Variants in SGSH observed in about 807,000 individuals in gnomAD.
The protein encoded by SGSH is heparan sulfate sulfatase.
A neutral mutation model predicts 51.0 loss-of-function variants in SGSH; 48 were observed. That is an observed-to-expected ratio of 0.94 (90% CI 0.75 to 1.20). The LOEUF (loss-of-function observed/expected upper bound fraction) is 1.20. Ranked by LOEUF, SGSH falls within the 50% of genes most tolerant of loss-of-function variation. The pLI is 0.00. For missense variants in SGSH, 662 were observed against 717.8 expected (o/e 0.92, Z 0.89); for synonymous variants, 321 against 313.4 (o/e 1.02, Z -0.26).
At chr17:80,201,692 C>G in the SGSH span, 1 of 1,609,304 alleles carries the variant, frequency 6.2e-7, no homozygotes, top group Non-Finnish European at 8.5e-7. This position sits in a 1 kb window ranked among gnomAD's most constrained non-coding sequence, Gnocchi z 5.0. Flanking sequence ...TGTCTTCTGG[C>G]TGGATTCAGA....
At chr17:80,219,295 C>T (rs538132182) in intron 1 of SGSH, among the ~76,000 whole-genome samples, 1 of 152,180 alleles carries the variant, frequency 6.6e-6, no homozygotes, top group South Asian at 2.1e-4. Flanking sequence ...TGGACCCTCA[C>T]TGGAACCCAA....
chr17:80,204,825 C>T (rs1490199300), downstream of SGSH: 6 of 519,884 alleles, frequency 1.2e-5, no homozygotes. Flanking sequence ...TGGAGAGCCA[C>T]AGAGCTGTGT....
At chr17:80,204,838 C>G (rs1350454752), downstream of SGSH, 8 of 550,436 alleles carry the variant, frequency 1.5e-5, no homozygotes, top group Non-Finnish European at 2.2e-5. Context: ...AGCTGTGTAA[C>G]CCCCGTGCAA....
intron 7 of SGSH, chr17:80,211,703 A>G: frequency 2.8e-6 from 1 of 361,224 alleles, no homozygotes; most frequent in Non-Finnish European, 5.3e-6. Context: ...CAGACATGCA[A>G]ATTCTTGAGC....
At chr17:80,217,287 C>T (rs893043767) in intron 1 of SGSH, 95 bp from the exon 2 acceptor site, 30 of 1,433,158 alleles carry the variant, frequency 2.1e-5, no homozygotes, top group Middle Eastern at 1.7e-4. Context: ...TGCCAGAAGG[C>T]GAGACACCCA....
At chr17:80,206,035 G>A (rs114951530), downstream of SGSH, 1,913 of 178,126 alleles carry the variant, frequency 0.011, 38 homozygotes, top group African/African-American at 0.042. Context: ...TGGCATCTGC[G>A]TGCCTCCTGT....
At position 80,213,782 on chromosome 17, in the gene SGSH, G is replaced by A. The variant is rs756719496; in HGVS notation, c.745+22C>T. 6.9e-6 allele frequency: 11 copies of A among 1,585,166 alleles called. No individual in the cohort carries two copies. In the South Asian group the frequency reaches 1.3e-4, roughly 18 times the overall value. ...GACCCCGGCCGTGGCACCCCCTCCA[G>A]TGCCCGGTTCTGCAAGCCCACCTTG... is the stretch of plus-strand genomic sequence containing the variant. On this transcript the variant is annotated intron_variant, in intron 6 of 7. Transcript: ENST00000326317. The surrounding 1 kb of genome is among the most constrained non-coding windows in gnomAD (Gnocchi z 4.6).
At chr17:80,203,809 C>A (rs1420360080), downstream of SGSH, 2 of 1,562,756 alleles carry the variant, frequency 1.3e-6, no homozygotes, top group Non-Finnish European at 1.7e-6. The surrounding 1 kb of genome is among the most constrained non-coding windows in gnomAD (Gnocchi z 4.6). Flanking sequence ...AGGGCCTCTG[C>A]TGGTCTCTGC....
At chr17:80,204,648 G>A (rs150595220), downstream of SGSH, 28 of 370,706 alleles carry the variant, frequency 7.6e-5, no homozygotes, top group East Asian at 1.1e-3. Flanking sequence ...AATTTCAGGA[G>A]AGGAGTACAG....
At chr17:80,205,467 C>A, downstream of SGSH, 1 of 1,551,176 alleles carries the variant, frequency 6.4e-7, no homozygotes, top group Non-Finnish European at 8.7e-7. Flanking sequence ...GGGTGTTTAC[C>A]ATGGGACTCC....
At chr17:80,216,460 T>G (rs2041896297) in intron 2 of SGSH, among the ~76,000 whole-genome samples, 1 of 151,912 alleles carries the variant, frequency 6.6e-6, no homozygotes, top group Admixed American at 6.6e-5. Flanking sequence ...TCTGTTTGGG[T>G]AGATGGAAAA....
chr17:80,208,516 C>T, downstream of SGSH: 1 of 562,406 alleles, frequency 1.8e-6, no homozygotes, highest in African/African-American at 1.9e-5. Context: ...AGGTCACACA[C>T]AGTGAAGCCA....
In SGSH at chr17:80,217,083, C is replaced by T. The variant is rs771397375; in HGVS notation, c.198G>A (p.Ser66=). 6.9e-6 allele frequency: 11 copies of T among 1,600,216 alleles called. No homozygotes were observed. The highest frequency in any genetic ancestry group is 4.0e-5 in the African/African-American group (3 of 74,866). ...CGCGGCTGGGAGAGCAGCTGCTGAC[C>T]GAGGTGAAGGCATTGCGAAAGAGGA... ...RSLLFRNAFT[S]VSSCSPSRAS... is the part of the protein sequence containing the mutation. The change falls in exon 2 of 8, where the codon TCG becomes TCA. Residue 66 remains serine, a synonymous_variant. Transcript: ENST00000326317.
intron 4 of SGSH, 34 bp from the exon 5 acceptor site, chr17:80,214,362 G>A (rs754495654): frequency 5.4e-5 from 87 of 1,603,558 alleles, no homozygotes; most frequent in Non-Finnish European, 7.1e-5. Context: ...CAAGGCTGCG[G>A]GGCCACTGCC....
chr17:80,220,156 G>A (rs2042093229), intron 1 of SGSH, 70 bp downstream of exon 1: 3 of 1,150,390 alleles, frequency 2.6e-6, no homozygotes, highest in Non-Finnish European at 3.6e-6. Context: ...GACCACGGGT[G>A]GGGAGGAGGC....
At chr17:80,202,154 C>A (rs774248709), downstream of SGSH, 4 of 1,588,424 alleles carry the variant, frequency 2.5e-6, no homozygotes, top group African/African-American at 5.4e-5. Flanking sequence ...TGTGGCTCAT[C>A]TGTGGCTCAT....
downstream of SGSH, chr17:80,205,203 C>G (rs745973455): frequency 2.5e-6 from 4 of 1,610,778 alleles, no homozygotes; most frequent in Non-Finnish European, 3.4e-6. Context: ...AAGTGCCTGG[C>G]AGGTATGCTG....
chr17:80,211,927 TAG>T lies in SGSH; in HGVS notation c.949+142_949+143del, dbSNP rs1275707483. ...CTCTGAGCCTCATTCTTTTCCTCTG[TAG>T]AGTGGGAGTGACAGTCCCTTCCTCA... On this transcript the variant is annotated intron_variant, in intron 7 of 7. Transcript: ENST00000326317. 1.1e-5 allele frequency: 8 copies of T among 720,906 alleles called. No homozygotes were observed. In the Admixed American group the frequency reaches 1.6e-4, roughly 15 times the overall value. 44.7% of individuals were successfully genotyped at this position (720,906 alleles called of 1,614,324 possible). A position where few individuals can be genotyped will look rare whatever the true frequency, so the allele number is the denominator to read the frequency against.
downstream of SGSH, chr17:80,205,628 T>G (rs777549666): frequency 6.4e-7 from 1 of 1,556,850 alleles, no homozygotes; most frequent in Non-Finnish European, 8.7e-7. Flanking sequence ...TGACCCGCCA[T>G]GCTGTGGAGT....
Sources: gnomAD v4.1 joint callset for allele counts (sites outside exome capture counted in the v4.1 genomes callset) on GRCh38, gnomAD v4.1.1 for gene constraint, Gnocchi (gnomAD v3.1) non-coding constraint, MANE v1.5 for transcripts, NCBI Gene and HGNC (gene_info 2026-07-23, HGNC 2026-07-21) for gene names.